Variants in CNTNAP2 observed in about 807,000 individuals in gnomAD.
The protein encoded by CNTNAP2 is contactin-associated protein-like 2.
CNTNAP2 carries 98 observed loss-of-function variants against 155.2 expected under a neutral mutation model. The ratio of observed to expected loss-of-function variants is 0.63; its 90% CI spans 0.54 to 0.75. The LOEUF (loss-of-function observed/expected upper bound fraction) is 0.75. Among genes scored for constraint, CNTNAP2 ranks in the 30% least tolerant of loss-of-function variants. The pLI, the probability that CNTNAP2 is intolerant of heterozygous loss-of-function variation, is 0.00. For synonymous variants in CNTNAP2, 651 were observed against 631.2 expected, an observed-to-expected ratio of 1.03 and a Z score of -0.47; for missense variants, 1,727 against 1,688.1, an observed-to-expected ratio of 1.02 and a Z score of -0.40.
intron 2 of CNTNAP2, among the ~76,000 whole-genome samples, chr7:146,826,865 G>GAGAGAGAGAGAGAGAGAGAGAGAGAGAC (rs1563248337): frequency 6.6e-5 from 10 of 150,806 alleles, no homozygotes; most frequent in African/African-American, 2.2e-4. Context: ...TATAGAGAGA[G>GAGAGAGAGAGAGAGAGAGAGAGAGAGAC]AGAGAGAGAG....
chr7:146,886,550 GT>G (rs75105018), intron 3 of CNTNAP2, among the ~76,000 whole-genome samples: 6,149 of 151,922 alleles, frequency 0.04, 204 homozygotes, highest in East Asian at 0.14. Flanking sequence ...TGGACTGTAT[GT>G]TTTTTTCTGT....
At chr7:147,855,654 A>G (rs1452702624) in intron 13 of CNTNAP2, among the ~76,000 whole-genome samples, 1 of 152,100 alleles carries the variant, frequency 6.6e-6, no homozygotes, top group Non-Finnish European at 1.5e-5. Flanking sequence ...TTGCAAAACA[A>G]ATAAATAAAT....
chr7:146,672,289 C>T (rs1393807319), intron 1 of CNTNAP2, among the ~76,000 whole-genome samples: 1 of 152,178 alleles, frequency 6.6e-6, no homozygotes, highest in Admixed American at 6.5e-5. Flanking sequence ...TATTCTTACA[C>T]ACATCTCAAA....
chr7:146,194,217 C>G (rs1028248118), intron 1 of CNTNAP2, among the ~76,000 whole-genome samples: 5 of 152,152 alleles, frequency 3.3e-5, no homozygotes, highest in Middle Eastern at 6.3e-3. Context: ...AGCAGCACTC[C>G]TCTCTACTGG....
intron 15 of CNTNAP2, among the ~76,000 whole-genome samples, chr7:147,995,539 T>G (rs1585068187): frequency 1.3e-5 from 2 of 151,816 alleles, no homozygotes; most frequent in East Asian, 3.9e-4. Flanking sequence ...GTTGTTTTTT[T>G]TTTTTTGAGA....
chr7:146,450,131 C>G lies in CNTNAP2; in HGVS notation c.98-324140C>G, dbSNP rs181747089. ...TTTCTTTTCCAAGGAGATAAAACAA[C>G]AACAACAACAAAGGTAATAGTCATA... On this transcript the variant is annotated intron_variant, in intron 1 of 23. Transcript: ENST00000361727. Among the ~76,000 whole-genome samples, 521 of 152,146 alleles carry G rather than the reference C, an allele frequency of 3.4e-3. 3 individuals are homozygous for G. The highest frequency in any genetic ancestry group is 0.014 in the Middle Eastern group (4 of 294).
intron 17 of CNTNAP2, among the ~76,000 whole-genome samples, chr7:148,168,756 C>T (rs1362558619): frequency 6.6e-6 from 1 of 152,200 alleles, no homozygotes; most frequent in Non-Finnish European, 1.5e-5. Context: ...TGTTAACATT[C>T]AGAGTCTTTT....
intron 12 of CNTNAP2, among the ~76,000 whole-genome samples, chr7:147,608,444 C>T (rs1477573535): frequency 1.3e-5 from 2 of 151,846 alleles, no homozygotes; most frequent in Non-Finnish European, 2.9e-5. Context: ...TCTATAACCC[C>T]ATGAACTACA....
At chr7:146,611,652 C>G (rs1421532180) in intron 1 of CNTNAP2, among the ~76,000 whole-genome samples, 2 of 152,132 alleles carry the variant, frequency 1.3e-5, no homozygotes, top group African/African-American at 4.8e-5. Context: ...GACACTTTAG[C>G]AGTAAAATTT....
intron 10 of CNTNAP2, among the ~76,000 whole-genome samples, chr7:147,485,111 C>T (rs1798488154): frequency 6.6e-6 from 1 of 152,146 alleles, no homozygotes; most frequent in African/African-American, 2.4e-5. Context: ...TTCTGAGGTA[C>T]AGTAAAGCTG....
chr7:146,342,794 A>G (rs1419424621), intron 1 of CNTNAP2, among the ~76,000 whole-genome samples: 5 of 152,156 alleles, frequency 3.3e-5, no homozygotes, highest in African/African-American at 7.2e-5. Flanking sequence ...CAACATTTCA[A>G]TTATTTTATG....
At chr7:147,463,688 G>A (rs959428127) in intron 10 of CNTNAP2, among the ~76,000 whole-genome samples, 11 of 152,152 alleles carry the variant, frequency 7.2e-5, no homozygotes, top group South Asian at 2.1e-4. Context: ...TTTGCAAACC[G>A]TATCTGTCAC....
chr7:146,711,740 TAGTATACACATCTTATGTATACATATATA>T (rs1563198778), intron 1 of CNTNAP2, among the ~76,000 whole-genome samples: 11 of 145,670 alleles, frequency 7.6e-5, no homozygotes, highest in Non-Finnish European at 1.5e-4. Flanking sequence ...TATACATATA[TAGTATACACATCTTATGTATACATATATA>T]GTATACACAT....
rs142653283 is a variant in CNTNAP2, at chr7:148,156,292, A to G, written c.2773+8583A>G. ...TTGGTAAAGCTTTTATAAAGTCGTCAAAGTCAGCATGGATCTCTAAGTCTC... is the reference window on the plus strand; with the variant it reads ...TTGGTAAAGCTTTTATAAAGTCGTCGAAGTCAGCATGGATCTCTAAGTCTC... On this transcript the variant is annotated intron_variant, in intron 17 of 23. Coordinates refer to ENST00000361727, the MANE Select transcript of CNTNAP2 (RefSeq NM_014141.6). 1.4e-3 allele frequency among the ~76,000 whole-genome samples: 207 copies of G among 152,310 alleles called. 2 individuals carry two copies. Among genetic ancestry groups the G allele is most frequent in the Non-Finnish European group, 2.2e-3 (153 of 68,028 alleles).
intron 1 of CNTNAP2, among the ~76,000 whole-genome samples, chr7:146,377,184 T>C (rs1795315506): frequency 6.6e-6 from 1 of 152,228 alleles, no homozygotes. Flanking sequence ...GCTGCTTTTA[T>C]TGATGTCACC....
chr7:147,137,329 AG>A lies in CNTNAP2; in HGVS notation c.1348+4822del, dbSNP rs577625455. Among the ~76,000 whole-genome samples, 31 of 151,476 alleles carry A rather than the reference AG, an allele frequency of 2.0e-4. No homozygotes were observed. In the South Asian group the frequency reaches 5.8e-3, roughly 29 times the overall value. ...AATCTAATGTCATTATTATAAATAT[AG>A]GAATTTTATTTCATTCCAAATCAGA... On this transcript the variant is annotated intron_variant, in intron 8 of 23. Transcript: ENST00000361727.
chr7:147,258,521 C>T (rs957791852), intron 8 of CNTNAP2, among the ~76,000 whole-genome samples: 1 of 151,940 alleles, frequency 6.6e-6, no homozygotes, highest in African/African-American at 2.4e-5. Flanking sequence ...ATGATTGCAG[C>T]ACCCCCTAAC....
intron 1 of CNTNAP2, among the ~76,000 whole-genome samples, chr7:146,265,235 A>G (rs1799976467): frequency 6.6e-6 from 1 of 152,148 alleles, no homozygotes; most frequent in African/African-American, 2.4e-5. Context: ...TGTATGTACT[A>G]TAGATTATTA....
At chr7:147,580,433 T>C (rs1003642916) in intron 12 of CNTNAP2, among the ~76,000 whole-genome samples, 1 of 152,160 alleles carries the variant, frequency 6.6e-6, no homozygotes, top group African/African-American at 2.4e-5. Context: ...GTTTTACAGA[T>C]GAAAAAATTG....
Sources: allele counts gnomAD v4.1 joint callset (sites outside exome capture counted in the v4.1 genomes callset), GRCh38; gene constraint gnomAD v4.1.1; transcripts MANE v1.5; gene names NCBI Gene and HGNC (gene_info 2026-07-23, HGNC 2026-07-21).